PRKG1: variants seen among roughly 807,000 people sequenced by gnomAD.
The protein encoded by PRKG1 is cGMP-dependent protein kinase 1.
Under a neutral mutation model 88.1 loss-of-function variants are expected in PRKG1, and 35 were observed. That is an observed-to-expected ratio of 0.40 (90% confidence interval 0.30 to 0.53). The LOEUF (loss-of-function observed/expected upper bound fraction) is 0.53. Ranked by LOEUF, PRKG1 falls within the 20% of genes least tolerant of loss-of-function variation. The pLI, the probability that PRKG1 is intolerant of heterozygous loss-of-function variation, is 0.59. For synonymous variants in PRKG1, 303 were observed against 292.5 expected (o/e 1.04, Z -0.37); for missense variants, 540 against 839.8 (o/e 0.64, Z 4.41).
At chr10:51,553,737 ATATAATATATGTATATATTAGATACG>A in intron 3 of PRKG1, among the ~76,000 whole-genome samples, 2 of 138,534 alleles carry the variant, frequency 1.4e-5, no homozygotes, top group Admixed American at 7.2e-5. Context: ...AGATACGTGT[ATATAATATATGTATATATTAGATACG>A]TGTATATAAT....
intron 8 of PRKG1, among the ~76,000 whole-genome samples, chr10:52,139,265 T>C (rs1377750889): frequency 6.6e-6 from 1 of 152,100 alleles, no homozygotes; most frequent in Non-Finnish European, 1.5e-5. Context: ...GACAAATTGG[T>C]GTCTGTATTA....
chr10:51,136,233 G>A (rs1309218070), intron 1 of PRKG1, among the ~76,000 whole-genome samples: 2 of 152,028 alleles, frequency 1.3e-5, no homozygotes, highest in Non-Finnish European at 2.9e-5. Flanking sequence ...TGGGTAGGTG[G>A]TGATGTTCCC....
chr10:51,173,075 G>T (rs985884567), intron 2 of PRKG1, among the ~76,000 whole-genome samples: 7 of 151,902 alleles, frequency 4.6e-5, no homozygotes, highest in African/African-American at 1.7e-4. Flanking sequence ...GACTACATCT[G>T]CTCGTTTTTA....
Position 51,578,980 on chromosome 10 carries a change from G to GTTTTTTTTTTTTTTTTTTTTTTTTT in PRKG1, c.592+111148_592+111172dup, listed in dbSNP as rs752412264. Among the ~76,000 whole-genome samples the GTTTTTTTTTTTTTTTTTTTTTTTTT allele has an allele frequency of 3.9e-5, 3 of 77,832 alleles. 1 individual carries two copies. Among genetic ancestry groups the GTTTTTTTTTTTTTTTTTTTTTTTTT allele is most frequent in the African/African-American group, 1.1e-4 (2 of 18,902 alleles). The allele number at this position is 77,832 out of a possible 152,430, so 51.1% of individuals were successfully genotyped here. A position where few individuals can be genotyped will look rare whatever the true frequency, so the allele number is the denominator to read the frequency against. ...GAAGAGTTTGGAATAAGTTCTGTTG[G>GTTTTTTTTTTTTTTTTTTTTTTTTT]TTTTTTTTTTTTTTTTTTTTTTTTT... is the stretch of plus-strand genomic sequence containing the variant. On this transcript the variant is annotated intron_variant, in intron 3 of 17. Coordinates refer to ENST00000373980, the MANE Select transcript of PRKG1 (RefSeq NM_006258.4).
intron 5 of PRKG1, among the ~76,000 whole-genome samples, chr10:51,990,517 T>G (rs976879500): frequency 2.0e-5 from 3 of 152,076 alleles, no homozygotes; most frequent in Non-Finnish European, 4.4e-5. Context: ...TTATTATGAT[T>G]ATGGTATTTA....
At chr10:51,325,541 C>T (rs12778236) in intron 2 of PRKG1, among the ~76,000 whole-genome samples, 40,976 of 152,098 alleles carry the variant, frequency 0.27, 6,311 homozygotes, top group East Asian at 0.35. Context: ...GGATAGTTTA[C>T]AAATATATTC....
intron 8 of PRKG1, among the ~76,000 whole-genome samples, chr10:52,136,822 G>C (rs1378453672): frequency 1.3e-5 from 2 of 151,990 alleles, no homozygotes; most frequent in Non-Finnish European, 2.9e-5. Flanking sequence ...ACTCAGCATT[G>C]GTTTATCTTC....
chr10:52,162,499 A>G (rs1283859159), intron 9 of PRKG1, among the ~76,000 whole-genome samples: 1 of 152,150 alleles, frequency 6.6e-6, no homozygotes, highest in African/African-American at 2.4e-5. Flanking sequence ...GATTTAAAGT[A>G]AGTTGATATT....
At position 51,761,720 on chromosome 10, in the gene PRKG1, C is replaced by T. The variant is rs567592772; in HGVS notation, c.593-42865C>T. On this transcript the variant is annotated intron_variant, in intron 3 of 17. Transcript: ENST00000373980. ...TATTTTTTTCTTACTATGTACATCC[C>T]TAAACATTAAAGAAAAATTTCTCAG... Among the ~76,000 whole-genome samples, 26 of 152,142 alleles carry T rather than the reference C, an allele frequency of 1.7e-4. No homozygotes were observed. The South Asian group carries it at 5.2e-3, about 30-fold the overall frequency.
At chr10:51,079,383 AAAGT>A (rs1242643372) in intron 1 of PRKG1, among the ~76,000 whole-genome samples, 12 of 152,318 alleles carry the variant, frequency 7.9e-5, no homozygotes, top group African/African-American at 2.9e-4. Context: ...AGAAGGGTTT[AAAGT>A]AAGTATTTGA....
At chr10:51,129,420 G>T (rs983911622) in intron 1 of PRKG1, among the ~76,000 whole-genome samples, 2 of 151,762 alleles carry the variant, frequency 1.3e-5, no homozygotes, top group African/African-American at 4.8e-5. Flanking sequence ...ACTCCAGCCT[G>T]TGCGATAGAG....
At chr10:51,516,561 C>T (rs1841592556) in intron 3 of PRKG1, among the ~76,000 whole-genome samples, 1 of 152,104 alleles carries the variant, frequency 6.6e-6, no homozygotes, top group South Asian at 2.1e-4. Context: ...TGCTTTCTGC[C>T]TAGAATTTCT....
intron 1 of PRKG1, among the ~76,000 whole-genome samples, chr10:51,078,685 C>T (rs4935219): frequency 0.89 from 134,972 of 151,366 alleles, 60,266 homozygotes; most frequent in African/African-American, 0.94. Context: ...GGTGCCATCT[C>T]AGCTCACTGC....
chr10:51,445,280 A>G (rs1303601491), intron 2 of PRKG1, among the ~76,000 whole-genome samples: 1 of 151,998 alleles, frequency 6.6e-6, no homozygotes, highest in Non-Finnish European at 1.5e-5. Context: ...ATAATAATTC[A>G]TAAAACAGAG....
intron 2 of PRKG1, among the ~76,000 whole-genome samples, chr10:51,296,109 T>C (rs1010691657): frequency 5.3e-5 from 8 of 152,142 alleles, no homozygotes; most frequent in Non-Finnish European, 1.0e-4. Flanking sequence ...CATCAGTATT[T>C]ATCAGGAATA....
At chr10:51,404,695 A>G (rs1195513735) in intron 2 of PRKG1, among the ~76,000 whole-genome samples, 1 of 152,200 alleles carries the variant, frequency 6.6e-6, no homozygotes, top group Non-Finnish European at 1.5e-5. Context: ...AATTAAATGT[A>G]CTTGGAATGT....
At chr10:50,998,246 G>T (rs188408379) in intron 1 of PRKG1, among the ~76,000 whole-genome samples, 74 of 152,164 alleles carry the variant, frequency 4.9e-4, no homozygotes, top group African/African-American at 1.7e-3. Context: ...TCGGGTCCTT[G>T]TATTTCTTCT....
chr10:51,782,357 A>T (rs1202802263), intron 3 of PRKG1, among the ~76,000 whole-genome samples: 2 of 152,136 alleles, frequency 1.3e-5, no homozygotes, highest in African/African-American at 4.8e-5. Context: ...CTTGAATGCA[A>T]GCACATCAGA....
intron 1 of PRKG1, among the ~76,000 whole-genome samples, chr10:51,119,064 C>T (rs2131911665): frequency 6.6e-6 from 1 of 152,198 alleles, no homozygotes; most frequent in Non-Finnish European, 1.5e-5. Context: ...TTCTTCATTT[C>T]TTGCACTACC....
Sources: gnomAD v4.1 joint callset for allele counts (sites outside exome capture counted in the v4.1 genomes callset) on GRCh38, gnomAD v4.1.1 for gene constraint, MANE v1.5 for transcripts, NCBI Gene and HGNC (gene_info 2026-07-23, HGNC 2026-07-21) for gene names.